The following MTHFD2L variants were observed in gnomAD, a reference collection of about 807,000 sequenced individuals.
MTHFD2L encodes the protein bifunctional methylenetetrahydrofolate dehydrogenase/cyclohydrolase 2, mitochondrial.
A neutral mutation model predicts 34.9 loss-of-function variants in MTHFD2L; 29 were observed. The ratio of observed to expected loss-of-function variants is 0.83; its 90% confidence interval spans 0.62 to 1.13. The LOEUF (loss-of-function observed/expected upper bound fraction) is 1.13, where lower values mean the gene tolerates loss of function less well. MTHFD2L is among the 50% of genes most tolerant of loss of function. The probability of loss-of-function intolerance (pLI) is 0.00; values close to 1 mark genes in which losing one functional copy is unlikely to be tolerated. For synonymous variants in MTHFD2L, 167 were observed against 155.7 expected (o/e 1.07, Z -0.54); for missense variants, 481 against 446.5 (o/e 1.08, Z -0.70).
At chr4:74,177,189 C>G in intron 3 of MTHFD2L, among the ~76,000 whole-genome samples, 1 of 151,880 alleles carries the variant, frequency 6.6e-6, no homozygotes. Context: ...ACGTGCAGCA[C>G]TCTTATATCA....
At chr4:74,147,886 CTTTTTAATATA>C (rs909622108) in intron 1 of MTHFD2L, among the ~76,000 whole-genome samples, 3 of 152,016 alleles carry the variant, frequency 2.0e-5, no homozygotes, top group Non-Finnish European at 4.4e-5. Flanking sequence ...TAGGAGTTTT[CTTTTTAATATA>C]TTCTGAATAT....
intron 7 of MTHFD2L, among the ~76,000 whole-genome samples, chr4:74,299,492 G>A (rs984913598): frequency 2.1e-4 from 32 of 152,018 alleles, no homozygotes; most frequent in African/African-American, 7.7e-4. Context: ...TCCAGTGCTT[G>A]AGAAAAGGTC....
At chr4:74,300,716 T>A (rs920173203) in intron 7 of MTHFD2L, among the ~76,000 whole-genome samples, 3 of 152,112 alleles carry the variant, frequency 2.0e-5, no homozygotes, top group African/African-American at 7.2e-5. Flanking sequence ...GAGAGTTATC[T>A]GCCATTTTCT....
chr4:74,138,763 T>G (rs1723106809), intron 1 of MTHFD2L, among the ~76,000 whole-genome samples: 1 of 151,906 alleles, frequency 6.6e-6, no homozygotes, highest in Non-Finnish European at 1.5e-5. Context: ...GTAGCAAGAT[T>G]TAATGGAGTG....
intron 7 of MTHFD2L, among the ~76,000 whole-genome samples, chr4:74,297,860 A>G (rs1749810024): frequency 6.6e-6 from 1 of 152,126 alleles, no homozygotes; most frequent in Non-Finnish European, 1.5e-5. Context: ...GTTATGCAAA[A>G]TCATTAGAGT....
intron 6 of MTHFD2L, 125 bp from the exon 7 acceptor site, chr4:74,281,300 T>A: frequency 1.1e-6 from 1 of 895,904 alleles, no homozygotes; most frequent in South Asian, 2.6e-5. Flanking sequence ...GGCCTGTTTT[T>A]TAAGGAACAA....
At chr4:74,116,589 T>C (rs1721659004) in intron 2 of MTHFD2L, among the ~76,000 whole-genome samples, 2 of 152,258 alleles carry the variant, frequency 1.3e-5, no homozygotes, top group Non-Finnish European at 2.9e-5. Context: ...ATTAGCTTAA[T>C]GATACACTTA....
intron 6 of MTHFD2L, among the ~76,000 whole-genome samples, chr4:74,227,506 G>C (rs527376780): frequency 6.6e-6 from 1 of 150,944 alleles, no homozygotes; most frequent in African/African-American, 2.5e-5. Flanking sequence ...TGGGGGAAGA[G>C]CATCCCGAGC....
intron 6 of MTHFD2L, among the ~76,000 whole-genome samples, chr4:74,263,808 ATTTC>A (rs981313764): frequency 8.5e-5 from 13 of 152,068 alleles, no homozygotes; most frequent in African/African-American, 2.9e-4. Flanking sequence ...AGATGCCTTT[ATTTC>A]TTTCTCTTGC....
chr4:74,118,426 A>G (rs1028336272), upstream of MTHFD2L, among the ~76,000 whole-genome samples: 2 of 152,212 alleles, frequency 1.3e-5, no homozygotes, highest in Non-Finnish European at 1.5e-5. Context: ...AAAACAAAAT[A>G]AATATCAGTA....
At chr4:74,136,676 G>C (rs1179754748) in intron 1 of MTHFD2L, among the ~76,000 whole-genome samples, 1 of 151,936 alleles carries the variant, frequency 6.6e-6, no homozygotes, top group Non-Finnish European at 1.5e-5. Flanking sequence ...AAGCAATCCT[G>C]AACAAAAAGA....
At chr4:74,213,542 C>G (rs956432182) in intron 5 of MTHFD2L, among the ~76,000 whole-genome samples, 4 of 152,112 alleles carry the variant, frequency 2.6e-5, no homozygotes, top group Admixed American at 6.6e-5. Flanking sequence ...CTCTTCTGGC[C>G]TGTAGTGTTT....
At chr4:74,218,617 C>G (rs977091996) in intron 5 of MTHFD2L, among the ~76,000 whole-genome samples, 1 of 145,646 alleles carries the variant, frequency 6.9e-6, no homozygotes, top group Admixed American at 6.7e-5. Context: ...ATTTCAAGCC[C>G]CCCCCCCACC....
At chr4:74,172,874 G>A (rs967811393) in intron 1 of MTHFD2L, among the ~76,000 whole-genome samples, 2 of 152,114 alleles carry the variant, frequency 1.3e-5, no homozygotes, top group African/African-American at 2.4e-5. Flanking sequence ...CTACCTATAC[G>A]TCCACAAACC....
chr4:74,199,375 T>G (rs2110049556), intron 3 of MTHFD2L, among the ~76,000 whole-genome samples: 1 of 152,278 alleles, frequency 6.6e-6, no homozygotes, highest in Middle Eastern at 3.4e-3. Context: ...AACAAACCCC[T>G]TTTAATCTCC....
At chr4:74,158,062 C>A, upstream of MTHFD2L, 1 of 1,528,308 alleles carries the variant, frequency 6.5e-7, no homozygotes, top group Non-Finnish European at 8.8e-7. Flanking sequence ...CGGGTGAGGG[C>A]GGAGCCAGGC....
intron 5 of MTHFD2L, among the ~76,000 whole-genome samples, chr4:74,217,870 G>A (rs1464602685): frequency 2.0e-5 from 3 of 152,088 alleles, no homozygotes; most frequent in South Asian, 4.1e-4. Flanking sequence ...GATACAAAAA[G>A]CATATTTAAA....
rs577934164 is a variant in MTHFD2L at position 74,137,052 on chromosome 4, A to T, written c.-297+11535A>T. On this transcript the variant is annotated intron_variant, in intron 1 of 7. Transcript: ENST00000433372. Reference sequence around the variant, plus strand: ...TCTGAGGAAATACTTCAGGACAATGATCTGGACAAAGATTTCTTGTGTAAC... The same window carrying T: ...TCTGAGGAAATACTTCAGGACAATGTTCTGGACAAAGATTTCTTGTGTAAC... Among the ~76,000 whole-genome samples, 23 of 152,260 alleles carry T rather than the reference A, an allele frequency of 1.5e-4. No individual in the cohort carries two copies. In the East Asian group the frequency reaches 4.2e-3, roughly 28 times the overall value.
At chr4:74,187,800 TACACACACACACACAC>T (rs61173269) in intron 3 of MTHFD2L, among the ~76,000 whole-genome samples, 5 of 144,380 alleles carry the variant, frequency 3.5e-5, no homozygotes, top group Admixed American at 2.7e-4. Context: ...CCTGTGTATT[TACACACACACACACAC>T]ACACACACAC....
Sources: gnomAD v4.1 joint callset for allele counts (sites outside exome capture counted in the v4.1 genomes callset) on GRCh38, gnomAD v4.1.1 for gene constraint, MANE v1.5 for transcripts, NCBI Gene and HGNC (gene_info 2026-07-23, HGNC 2026-07-21) for gene names.